PITPNM3: variants seen among roughly 807,000 people sequenced by gnomAD.
PITPNM3 encodes membrane-associated phosphatidylinositol transfer protein 3.
A neutral mutation model predicts 102.0 loss-of-function variants in PITPNM3; 26 were observed. The observed-to-expected ratio is 0.25, with a 90% CI of 0.19 to 0.35. The LOEUF (loss-of-function observed/expected upper bound fraction) is 0.35. Among genes scored for constraint, PITPNM3 ranks in the 10% least tolerant of loss-of-function variants. PITPNM3 has a pLI of 1.00. For synonymous variants in PITPNM3, 578 were observed against 558.6 expected (o/e 1.03, Z -0.49); for missense variants, 1,083 against 1,346.1 (o/e 0.80, Z 3.06).
rs1402461431 is a variant in PITPNM3, at chr17:6,474,568, G to A, written c.1122C>T (p.Thr374=). 4 of 1,588,754 alleles carry A rather than the reference G, an allele frequency of 2.5e-6. No homozygotes were observed. The highest frequency in any genetic ancestry group is 3.4e-6 in the Non-Finnish European group (4 of 1,168,234). The change falls in exon 10 of 20, where the codon ACC becomes ACT. Residue 374 remains threonine, a synonymous_variant. Transcript: ENST00000262483. ...HSSVLKDESE[T]PAAGGPQLPE... is the part of the protein sequence containing the mutation. ...GGAGCTGCGGCCCCCCAGCCGCCGG[G>A]GTCTCAGACTCATCCTTTAGCACGC...
chr17:6,489,358 C>G (rs1211068936), intron 4 of PITPNM3, among the ~76,000 whole-genome samples: 1 of 151,772 alleles, frequency 6.6e-6, no homozygotes, highest in East Asian at 1.9e-4. Context: ...TGGCATCAAC[C>G]AAGCAGAGCT....
intron 3 of PITPNM3, among the ~76,000 whole-genome samples, chr17:6,518,357 T>C (rs1176462706): frequency 3.3e-5 from 5 of 151,530 alleles, no homozygotes; most frequent in Admixed American, 3.3e-4. Context: ...ACTGAGGTTA[T>C]ACAAGTTTGG....
In PITPNM3 at chr17:6,556,207, G is replaced by T. The variant is rs2150689922; in HGVS notation, c.22+178C>A. 6.6e-6 allele frequency among the ~76,000 whole-genome samples: 1 copy of T among 152,002 alleles called. No individual in the cohort carries two copies. Among genetic ancestry groups the T allele is most frequent in the African/African-American group, 2.4e-5 (1 of 41,516 alleles). On this transcript the variant is annotated intron_variant, in intron 1 of 19. Transcript: ENST00000262483. This position sits in a 1 kb window ranked among gnomAD's most constrained non-coding sequence, Gnocchi z 5.2. ...GTGACCGGGGGCGCAGGAAGGACGG[G>T]GGGCGCGCGGAGCCCCCTCTCCACG... is the stretch of plus-strand genomic sequence containing the variant.
At position 6,470,255 on chromosome 17, in the gene PITPNM3, A is replaced by G. The variant is rs1426139450; in HGVS notation, c.1773+5T>C. ...TGGGCAGGCCCGCGACTGCGGCAGCAGTACCTGTCTCAGGATGAAGGCCAC... is the reference window on the plus strand; with the variant it reads ...TGGGCAGGCCCGCGACTGCGGCAGCGGTACCTGTCTCAGGATGAAGGCCAC... On this transcript the variant is annotated splice_donor_5th_base_variant and intron_variant, in intron 13 of 19. Coordinates refer to ENST00000262483, the MANE Select transcript of PITPNM3 (RefSeq NM_031220.4). This position sits in a 1 kb window ranked among gnomAD's most constrained non-coding sequence, Gnocchi z 4.8. The G allele has an allele frequency of 6.2e-7, 1 of 1,602,322 alleles. No individual in the cohort carries two copies. The highest frequency in any genetic ancestry group is 8.5e-7 in the Non-Finnish European group (1 of 1,174,504).
At chr17:6,526,602 A>G (rs1035879213) in intron 2 of PITPNM3, among the ~76,000 whole-genome samples, 2 of 152,232 alleles carry the variant, frequency 1.3e-5, no homozygotes, top group Non-Finnish European at 2.9e-5. Flanking sequence ...CAGACCCCCA[A>G]TTCTGGTTAG....
At position 6,478,182 on chromosome 17, in the gene PITPNM3, A is replaced by G. The variant is rs1187834428; in HGVS notation, c.778-85T>C. On this transcript the variant is annotated intron_variant, in intron 7 of 19. Transcript: ENST00000262483. The surrounding 1 kb of genome is among the most constrained non-coding windows in gnomAD (Gnocchi z 4.4). ...CCGGCCAGAGCAGTGCTGCCTCCCC[A>G]CAGGAGAATGAGAAACTCGTCCTTG... 4 of 1,591,214 alleles carry G rather than the reference A, an allele frequency of 2.5e-6. No homozygotes were observed. Among genetic ancestry groups the G allele is most frequent in the East Asian group, 4.5e-5 (2 of 44,642 alleles).
intron 4 of PITPNM3, among the ~76,000 whole-genome samples, chr17:6,502,105 GCC>G (rs1907217915): frequency 6.6e-6 from 1 of 152,210 alleles, no homozygotes; most frequent in African/African-American, 2.4e-5. Flanking sequence ...ACACTTACCA[GCC>G]CCTGAAGGGC....
Position 6,470,485 on chromosome 17 carries a change from C to T in PITPNM3, c.1625-77G>A. The T allele has an allele frequency of 6.3e-7, 1 of 1,598,012 alleles. No individual in the cohort carries two copies. The highest frequency in any genetic ancestry group is 8.6e-7 in the Non-Finnish European group (1 of 1,167,680). ...CGAGGGGCAGCGGGGTCTCCCATTG[C>T]ACAGACTGGTGGTGGATGCCCCACG... On this transcript the variant is annotated intron_variant, in intron 12 of 19. Transcript: ENST00000262483. The surrounding 1 kb of genome is among the most constrained non-coding windows in gnomAD (Gnocchi z 4.8).
chr17:6,455,593 G>C lies in PITPNM3; in HGVS notation c.2670C>G (p.His890Gln), dbSNP rs1227654260. 6.3e-7 allele frequency: 1 copy of C among 1,595,174 alleles called. No homozygotes were observed. Among genetic ancestry groups the C allele is most frequent in the African/African-American group, 1.4e-5 (1 of 72,730 alleles). Residue 890 changes from histidine (H) to glutamine (Q), a missense_variant, in exon 20 of 20, where the codon CAC becomes CAG. His to Gln is a conservative substitution (Grantham distance 24). This residue lies in a region of PITPNM3 where 208 missense variants were observed against 178.2 expected (regional missense o/e 1.17). Transcript: ENST00000262483. ...AAHLAALEAS[H>Q]RSRPKKNNSR... ...AGTTGTTCTTCTTTGGGCGTGAGCG[G>C]TGGCTGGCCTCCAGCGCGGCCAGGT... is the stretch of plus-strand genomic sequence containing the variant.
intron 4 of PITPNM3, among the ~76,000 whole-genome samples, chr17:6,498,354 A>T (rs887189337): frequency 1.3e-5 from 2 of 152,220 alleles, no homozygotes; most frequent in Non-Finnish European, 2.9e-5. Context: ...TAGCCTGGGG[A>T]AACGGGAGAG....
rs1000616027 is a variant in PITPNM3, at chr17:6,455,250, C to A, written c.*88G>T. 5.5e-6 allele frequency: 8 copies of A among 1,443,194 alleles called. No homozygotes were observed. The highest frequency in any genetic ancestry group is 7.4e-6 in the Non-Finnish European group (8 of 1,082,610). The allele number at this position is 1,443,194 out of a possible 1,614,324, so 89.4% of individuals were successfully genotyped here. Reference sequence around the variant, plus strand: ...ACGGGAGGGAAAAAGCAGGAAAACGCCTGTGTCGGGGAGAGGGCAGCCCCC... The same window carrying A: ...ACGGGAGGGAAAAAGCAGGAAAACGACTGTGTCGGGGAGAGGGCAGCCCCC... On this transcript the variant is annotated 3_prime_UTR_variant, in exon 20 of 20. Coordinates refer to ENST00000262483, the MANE Select transcript of PITPNM3 (RefSeq NM_031220.4).
chr17:6,504,446 T>C (rs921277550), intron 3 of PITPNM3, among the ~76,000 whole-genome samples: 5 of 152,148 alleles, frequency 3.3e-5, no homozygotes, highest in Non-Finnish European at 7.4e-5. Flanking sequence ...CCTGTTTCTG[T>C]AGCCCTCTGC....
At chr17:6,552,344 G>A (rs568839075) in intron 1 of PITPNM3, among the ~76,000 whole-genome samples, 17 of 152,238 alleles carry the variant, frequency 1.1e-4, no homozygotes, top group African/African-American at 4.1e-4. Flanking sequence ...CAGTGGGAGA[G>A]AGGGGCAGCC....
intron 1 of PITPNM3, among the ~76,000 whole-genome samples, chr17:6,547,730 T>A (rs988969916): frequency 6.7e-6 from 1 of 148,872 alleles, no homozygotes; most frequent in African/African-American, 2.6e-5. Context: ...TCTCTTTTCT[T>A]TTCTTTTCTT....
intron 1 of PITPNM3, among the ~76,000 whole-genome samples, chr17:6,546,185 A>G (rs988653254): frequency 6.6e-6 from 1 of 152,222 alleles, no homozygotes; most frequent in African/African-American, 2.4e-5. Context: ...GTTGGTTGCT[A>G]TAGAAACATG....
intron 1 of PITPNM3, among the ~76,000 whole-genome samples, chr17:6,543,310 C>G (rs1307603495): frequency 1.3e-5 from 2 of 152,192 alleles, no homozygotes; most frequent in African/African-American, 4.8e-5. Flanking sequence ...GTCAGCTCCT[C>G]CTGGCCATCT....
In PITPNM3 at chr17:6,453,360, G is replaced by A. The variant is rs1913950204; in HGVS notation, c.*1978C>T. The A allele has an allele frequency of 6.6e-6, 1 of 152,314 alleles. No homozygotes were observed. Among genetic ancestry groups the A allele is most frequent in the African/African-American group, 2.4e-5 (1 of 41,442 alleles). 9.4% of individuals were successfully genotyped at this position (152,314 alleles called of 1,614,324 possible). On this transcript the variant is annotated 3_prime_UTR_variant, in exon 20 of 20. Coordinates refer to ENST00000262483, the MANE Select transcript of PITPNM3 (RefSeq NM_031220.4). The stretch of plus-strand genomic sequence containing the variant: ...TATTTGGGGGAAGGATTAGGGTTGG[G>A]GTGGCTATGCCATATGAGCTGGTGC...
At chr17:6,506,082 C>T (rs768466086) in intron 3 of PITPNM3, among the ~76,000 whole-genome samples, 5 of 151,994 alleles carry the variant, frequency 3.3e-5, no homozygotes, top group Non-Finnish European at 5.9e-5. Context: ...GGCAGGAAGC[C>T]CATTTACAGA....
At chr17:6,493,026 C>G (rs936387403) in intron 4 of PITPNM3, among the ~76,000 whole-genome samples, 3 of 152,038 alleles carry the variant, frequency 2.0e-5, no homozygotes, top group African/African-American at 7.3e-5. Context: ...CATCTGCCTT[C>G]AAAGATCTCT....
Sources: allele counts gnomAD v4.1 joint callset (sites outside exome capture counted in the v4.1 genomes callset), GRCh38; gene constraint gnomAD v4.1.1; regional missense constraint gnomAD v4.1.1; non-coding constraint Gnocchi (gnomAD v3.1); transcripts MANE v1.5; gene names NCBI Gene and HGNC (gene_info 2026-07-23, HGNC 2026-07-21).